The following PARD3B variants were observed in gnomAD, a reference collection of about 807,000 sequenced individuals.
PARD3B encodes partitioning defective 3 homolog B.
PARD3B carries 103 observed loss-of-function variants against 130.2 expected under a neutral mutation model. The ratio of observed to expected loss-of-function variants is 0.79; its 90% CI spans 0.67 to 0.93. PARD3B has a LOEUF of 0.93. PARD3B is among the 40% of genes least tolerant of loss of function. The pLI is 0.00. For synonymous variants in PARD3B, 583 were observed against 553.2 expected (o/e 1.05, Z -0.76); for missense variants, 1,609 against 1,499.2 (o/e 1.07, Z -1.21).
chr2:205,178,830 G>A (rs2035631909), intron 13 of PARD3B, among the ~76,000 whole-genome samples: 1 of 152,130 alleles, frequency 6.6e-6, no homozygotes, highest in Non-Finnish European at 1.5e-5. Flanking sequence ...GGTCCCATAA[G>A]ATTTTAATGG....
chr2:205,153,335 C>A (rs886597436), intron 10 of PARD3B, among the ~76,000 whole-genome samples: 2 of 152,162 alleles, frequency 1.3e-5, no homozygotes, highest in Admixed American at 6.5e-5. Flanking sequence ...AGGCAGAAAT[C>A]ACCCGTCTTC....
At chr2:204,817,148 T>A (rs2043177128) in intron 2 of PARD3B, among the ~76,000 whole-genome samples, 1 of 152,134 alleles carries the variant, frequency 6.6e-6, no homozygotes, top group South Asian at 2.1e-4. Context: ...TGTTTTAATG[T>A]CCTTGTCTAC....
intron 2 of PARD3B, among the ~76,000 whole-genome samples, chr2:204,883,193 A>G (rs1313848579): frequency 1.3e-5 from 2 of 151,558 alleles, no homozygotes; most frequent in Non-Finnish European, 2.9e-5. Context: ...ATCATCATCG[A>G]CACCATCCTT....
Position 205,555,903 on chromosome 2 carries a change from T to TG in PARD3B, c.3260+2506dup, listed in dbSNP as rs149720891. Among the ~76,000 whole-genome samples the TG allele has an allele frequency of 3.0e-3, 450 of 152,190 alleles. 3 individuals are homozygous for TG. Among genetic ancestry groups the TG allele is most frequent in the African/African-American group, 0.01 (418 of 41,542 alleles). ...CAGGCATTGCACCCTGGTCCATGGG[T>TG]GGGGGGCTCCAAATTAAACTAATGA... On this transcript the variant is annotated intron_variant, in intron 22 of 22. Transcript: ENST00000406610.
rs762186876 is a variant in PARD3B, at chr2:205,300,684, C to T, written c.2340C>T (p.Ser780=). Residue 780 remains serine, a synonymous_variant, in exon 17 of 23, where the codon AGC becomes AGT. Coordinates refer to ENST00000406610, the MANE Select transcript of PARD3B (RefSeq NM_001302769.2). The surrounding 1 kb of genome is among the most constrained non-coding windows in gnomAD (Gnocchi z 4.1). ...HMVRGRGCNE[S]FRAAIDKSYD... is the part of the protein sequence containing the mutation. ...TTCGAGGCCGAGGCTGCAATGAGAG[C>T]TTTAGAGCAGCCATTGACAAATCCT... 2.0e-5 allele frequency: 32 copies of T among 1,613,958 alleles called. No homozygotes were observed. In the South Asian group the frequency reaches 2.6e-4, roughly 13 times the overall value.
intron 2 of PARD3B, among the ~76,000 whole-genome samples, chr2:204,845,050 A>G (rs1490285178): frequency 2.0e-5 from 3 of 152,208 alleles, no homozygotes; most frequent in African/African-American, 7.2e-5. Context: ...AGGAAAATGT[A>G]TCCTGCACGC....
At chr2:204,892,630 G>A (rs997302173) in intron 2 of PARD3B, among the ~76,000 whole-genome samples, 11 of 152,148 alleles carry the variant, frequency 7.2e-5, no homozygotes, top group African/African-American at 2.7e-4. Context: ...AAAAGATATA[G>A]GGGTGGAAGT....
chr2:204,876,903 C>G (rs2045865557), intron 2 of PARD3B, among the ~76,000 whole-genome samples: 1 of 152,266 alleles, frequency 6.6e-6, no homozygotes, highest in Admixed American at 6.5e-5. Context: ...GACCCTTAAC[C>G]TGTGTTTGAA....
chr2:205,579,950 AT>A (rs1276266043), intron 22 of PARD3B, among the ~76,000 whole-genome samples: 1 of 152,004 alleles, frequency 6.6e-6, no homozygotes. Context: ...TTTAAACTTG[AT>A]TTTTTCTCAT....
At chr2:205,417,579 G>T (rs918669402) in intron 19 of PARD3B, among the ~76,000 whole-genome samples, 1 of 152,112 alleles carries the variant, frequency 6.6e-6, no homozygotes, top group Non-Finnish European at 1.5e-5. Context: ...TTTTCAGGAG[G>T]AATACCTGAG....
At chr2:205,587,929 G>A (rs1287072587) in intron 22 of PARD3B, among the ~76,000 whole-genome samples, 5 of 152,192 alleles carry the variant, frequency 3.3e-5, no homozygotes, top group Admixed American at 6.5e-5. Flanking sequence ...GAAAGCAAAG[G>A]CCATGCATTC....
In PARD3B at chr2:205,113,869, A is replaced by G. The variant is rs142112314; in HGVS notation, c.680+292A>G. On this transcript the variant is annotated intron_variant, in intron 6 of 22. Transcript: ENST00000406610. ...ATAGTAAACAGAATCCTTGGCAAAG[A>G]TGTTAACATATTGTTAGACAAATGT... Among the ~76,000 whole-genome samples, 246 of 152,322 alleles carry G rather than the reference A, an allele frequency of 1.6e-3. 1 individual carries two copies. Among genetic ancestry groups the G allele is most frequent in the African/African-American group, 5.5e-3 (230 of 41,586 alleles).
chr2:205,349,990 T>A (rs1482925974), intron 18 of PARD3B, among the ~76,000 whole-genome samples: 1 of 152,076 alleles, frequency 6.6e-6, no homozygotes, highest in Admixed American at 6.6e-5. Flanking sequence ...GCCAGTGGGT[T>A]TTGGCTGACA....
chr2:205,370,255 C>A (rs1382222087), intron 18 of PARD3B, among the ~76,000 whole-genome samples: 1 of 152,084 alleles, frequency 6.6e-6, no homozygotes, highest in Non-Finnish European at 1.5e-5. Context: ...ATAAGGCAAC[C>A]AAGTTTTTTA....
intron 1 of PARD3B, among the ~76,000 whole-genome samples, chr2:204,612,136 C>T (rs1322604493): frequency 6.6e-6 from 1 of 152,198 alleles, no homozygotes; most frequent in Non-Finnish European, 1.5e-5. Flanking sequence ...CAGAGAAATA[C>T]ACACTATTTG....
chr2:205,165,329 C>G (rs1201455864), intron 11 of PARD3B, among the ~76,000 whole-genome samples: 1 of 152,092 alleles, frequency 6.6e-6, no homozygotes, highest in East Asian at 1.9e-4. Context: ...CAGTATTTCT[C>G]AAACTTTCTT....
chr2:205,346,197 AAATAAAT>A (rs1459424698), intron 18 of PARD3B, among the ~76,000 whole-genome samples: 1 of 149,230 alleles, frequency 6.7e-6, no homozygotes, highest in Non-Finnish European at 1.5e-5. Context: ...ATAAATAAAT[AAATAAAT>A]AAATAAATAA....
intron 18 of PARD3B, among the ~76,000 whole-genome samples, chr2:205,382,746 T>A (rs1247847122): frequency 6.6e-6 from 1 of 152,086 alleles, no homozygotes; most frequent in African/African-American, 2.4e-5. Flanking sequence ...CATTATGAGA[T>A]TCATGGATAT....
At chr2:205,213,976 A>G (rs1489004936) in intron 15 of PARD3B, among the ~76,000 whole-genome samples, 1 of 152,148 alleles carries the variant, frequency 6.6e-6, no homozygotes, top group African/African-American at 2.4e-5. Flanking sequence ...CACTTGCACC[A>G]CAAGAGAGGG....
Sources: allele counts gnomAD v4.1 joint callset (sites outside exome capture counted in the v4.1 genomes callset), GRCh38; gene constraint gnomAD v4.1.1; non-coding constraint Gnocchi (gnomAD v3.1); transcripts MANE v1.5; gene names NCBI Gene and HGNC (gene_info 2026-07-23, HGNC 2026-07-21).